SIL1: variants seen among roughly 807,000 people sequenced by gnomAD.
SIL1 encodes SIL1 nucleotide exchange factor.
Under a neutral mutation model 49.1 loss-of-function variants are expected in SIL1, and 40 were observed. That is an observed-to-expected ratio of 0.81 (90% confidence interval 0.63 to 1.06). The LOEUF is 1.06. Among genes scored for constraint, SIL1 ranks in the 50% least tolerant of loss-of-function variants. The pLI, the probability that SIL1 is intolerant of heterozygous loss-of-function variation, is 0.00. For missense variants in SIL1, 500 were observed against 572.6 expected, an observed-to-expected ratio of 0.87 and a Z score of 1.29; for synonymous variants, 253 against 250.8, an observed-to-expected ratio of 1.01 and a Z score of -0.08.
intron 7 of SIL1, among the ~76,000 whole-genome samples, chr5:139,006,405 C>T (rs1182048326): frequency 1.3e-5 from 1 of 77,358 alleles, no homozygotes; most frequent in Non-Finnish European, 2.5e-5. Context: ...TTGTAGGTTG[C>T]CTGTTCACTC....
At chr5:139,120,705 C>A (rs897126736) in intron 3 of SIL1, among the ~76,000 whole-genome samples, 1 of 152,172 alleles carries the variant, frequency 6.6e-6, no homozygotes, top group Non-Finnish European at 1.5e-5. Flanking sequence ...GCAGCAGAGC[C>A]CAAAATAGCA....
chr5:139,070,478 G>A (rs553502362), intron 3 of SIL1, among the ~76,000 whole-genome samples: 1 of 152,188 alleles, frequency 6.6e-6, no homozygotes, highest in African/African-American at 2.4e-5. Context: ...AGTAATGAGC[G>A]ACCTAATGGC....
At chr5:139,182,014 G>C (rs766988257) in intron 1 of SIL1, among the ~76,000 whole-genome samples, 2 of 152,138 alleles carry the variant, frequency 1.3e-5, no homozygotes, top group African/African-American at 2.4e-5. Context: ...AGAGAAGGGG[G>C]TGGAAGGTTA....
At chr5:139,158,376 T>C (rs1007571298) in intron 1 of SIL1, among the ~76,000 whole-genome samples, 1 of 152,364 alleles carries the variant, frequency 6.6e-6, no homozygotes. Context: ...GAATTCTGTC[T>C]AGAAAATTTC....
At chr5:139,035,550 A>G (rs1768885666) in intron 5 of SIL1, 5 of 496,634 alleles carry the variant, frequency 1.0e-5, no homozygotes, top group South Asian at 6.2e-5. Flanking sequence ...CAGGGGGCCA[A>G]TCTTGGGGGC....
chr5:138,963,573 CA>C (rs1561807033), intron 7 of SIL1, among the ~76,000 whole-genome samples: 2 of 152,342 alleles, frequency 1.3e-5, no homozygotes, highest in East Asian at 3.9e-4. Context: ...GTATAGACTA[CA>C]AATCTCTCTG....
chr5:139,085,457 T>C lies in SIL1; in HGVS notation c.245-34411A>G, dbSNP rs998241385. Among the ~76,000 whole-genome samples, 3 of 152,250 alleles carry C rather than the reference T, an allele frequency of 2.0e-5. No individual in the cohort carries two copies. The South Asian group carries it at 6.2e-4, about 32-fold the overall frequency. ...TGATGCACTGAGAGGCAAATACACCTGGCGTTGGGAAAACTAGGTAGGGAG... is the reference window on the plus strand; with the variant it reads ...TGATGCACTGAGAGGCAAATACACCCGGCGTTGGGAAAACTAGGTAGGGAG... On this transcript the variant is annotated intron_variant, in intron 3 of 9. Transcript: ENST00000394817.
chr5:138,963,797 C>T (rs182070122), intron 7 of SIL1, among the ~76,000 whole-genome samples: 1 of 152,182 alleles, frequency 6.6e-6, no homozygotes, highest in African/African-American at 2.4e-5. Flanking sequence ...TCCGTGGGGG[C>T]GGATCAACAT....
At chr5:139,145,264 C>T (rs968448961) in intron 1 of SIL1, among the ~76,000 whole-genome samples, 3 of 152,202 alleles carry the variant, frequency 2.0e-5, no homozygotes, top group African/African-American at 7.2e-5. Flanking sequence ...TAGAGAAATG[C>T]CAATCAAAGC....
At chr5:139,166,555 G>T (rs947691639) in intron 1 of SIL1, among the ~76,000 whole-genome samples, 1 of 152,190 alleles carries the variant, frequency 6.6e-6, no homozygotes, top group Non-Finnish European at 1.5e-5. Flanking sequence ...TACTTGGAAG[G>T]CTGAGGCAGG....
chr5:139,106,111 T>C (rs1244627134), intron 3 of SIL1, among the ~76,000 whole-genome samples: 1 of 152,234 alleles, frequency 6.6e-6, no homozygotes, highest in African/African-American at 2.4e-5. Flanking sequence ...CCAGTTATTT[T>C]TCTGCTAGTG....
At chr5:139,117,890 C>A (rs1286407523) in intron 3 of SIL1, among the ~76,000 whole-genome samples, 2 of 152,230 alleles carry the variant, frequency 1.3e-5, no homozygotes, top group East Asian at 3.9e-4. Flanking sequence ...ATGAGTTTGT[C>A]CCCTGGTGTT....
At chr5:139,078,855 C>T (rs1446603204) in intron 3 of SIL1, among the ~76,000 whole-genome samples, 3 of 152,224 alleles carry the variant, frequency 2.0e-5, no homozygotes, top group Non-Finnish European at 2.9e-5. Context: ...CATCAGCAGT[C>T]AATGAAGCTA....
intron 3 of SIL1, among the ~76,000 whole-genome samples, chr5:139,095,724 A>T (rs2151779115): frequency 6.6e-6 from 1 of 152,320 alleles, no homozygotes; most frequent in South Asian, 2.1e-4. Flanking sequence ...GCTACTCAGG[A>T]GGCTGAGGTG....
chr5:139,176,927 C>CTTTTTTTTTTT (rs70982757), intron 1 of SIL1, among the ~76,000 whole-genome samples: 1 of 95,788 alleles, frequency 1.0e-5, no homozygotes, highest in Non-Finnish European at 2.0e-5. Context: ...AGCTGAGATT[C>CTTTTTTTTTTT]TTTTTTTTTT....
At chr5:139,152,569 C>T (rs193281528) in intron 1 of SIL1, among the ~76,000 whole-genome samples, 81 of 148,126 alleles carry the variant, frequency 5.5e-4, no homozygotes, top group African/African-American at 1.9e-3. Context: ...TGCAGTGAGC[C>T]GAGATCATGC....
chr5:138,959,329 A>G (rs1021757625), intron 7 of SIL1, among the ~76,000 whole-genome samples: 14 of 152,224 alleles, frequency 9.2e-5, no homozygotes, highest in African/African-American at 3.1e-4. Context: ...TCAATGCTCA[A>G]CCTTTTATCC....
chr5:139,102,735 C>T (rs1429001271), intron 3 of SIL1, among the ~76,000 whole-genome samples: 5 of 146,458 alleles, frequency 3.4e-5, no homozygotes, highest in African/African-American at 1.0e-4. Context: ...TTTTTTGAGA[C>T]GGAGTTTTTG....
intron 1 of SIL1, among the ~76,000 whole-genome samples, chr5:139,197,995 G>A (rs2151826464): frequency 6.6e-6 from 1 of 152,306 alleles, no homozygotes; most frequent in East Asian, 1.9e-4. Context: ...AAAAACAGGT[G>A]CGGAGCCAAA....
Sources: gnomAD v4.1 joint callset for allele counts (sites outside exome capture counted in the v4.1 genomes callset) on GRCh38, gnomAD v4.1.1 for gene constraint, MANE v1.5 for transcripts, NCBI Gene and HGNC (gene_info 2026-07-23, HGNC 2026-07-21) for gene names.